The following PSMD9 variants were observed in gnomAD, a reference collection of about 807,000 sequenced individuals.
PSMD9 encodes the protein proteasome 26S subunit, non-ATPase 9.
In PSMD9, 26 loss-of-function variants were observed where a neutral mutation model predicts 25.9. The ratio of observed to expected loss-of-function variants is 1.00; its 90% CI spans 0.73 to 1.39. PSMD9 has a LOEUF of 1.39. PSMD9 is among the 40% of genes most tolerant of loss of function. PSMD9 has a pLI of 0.00. For missense variants in PSMD9, 303 were observed against 299.3 expected, an observed-to-expected ratio of 1.01 and a Z score of -0.09; for synonymous variants, 110 against 114.5, an observed-to-expected ratio of 0.96 and a Z score of 0.25.
intron 3 of PSMD9, chr12:121,902,779 G>A: frequency 4.2e-6 from 2 of 479,246 alleles, no homozygotes; most frequent in African/African-American, 2.0e-5. Context: ...GGCAGACCTG[G>A]TCATCTTTAC....
At chr12:121,913,134 T>C (rs572892591) in intron 4 of PSMD9, among the ~76,000 whole-genome samples, 1,617 of 151,918 alleles carry the variant, frequency 0.011, 14 homozygotes, top group African/African-American at 0.026. Flanking sequence ...TTAGTAGAGA[T>C]AGGGTTTCAC....
chr12:121,902,248 A>C (rs570286824), intron 3 of PSMD9: 1 of 152,024 alleles, frequency 6.6e-6, no homozygotes, highest in African/African-American at 2.4e-5. Context: ...CAGGACACAT[A>C]GTTCCTGCCA....
At chr12:121,900,151 A>T (rs1333100394) in intron 3 of PSMD9, among the ~76,000 whole-genome samples, 2 of 152,180 alleles carry the variant, frequency 1.3e-5, no homozygotes, top group Non-Finnish European at 2.9e-5. Flanking sequence ...TTAGCTGGGC[A>T]CTGAATGATG....
At chr12:121,906,880 T>A (rs1879573660) in intron 4 of PSMD9, among the ~76,000 whole-genome samples, 2 of 148,468 alleles carry the variant, frequency 1.3e-5, no homozygotes, top group Admixed American at 1.3e-4. Context: ...GCAGGAGAAT[T>A]GCTTGAACCC....
chr12:121,894,411 G>A (rs761826345), intron 1 of PSMD9: 73 of 228,614 alleles, frequency 3.2e-4, no homozygotes, highest in Non-Finnish European at 6.0e-4. Context: ...AGCCACCTGT[G>A]GGAAGGAGGG....
intron 4 of PSMD9, among the ~76,000 whole-genome samples, chr12:121,911,424 A>T (rs376844379): frequency 7.9e-4 from 121 of 152,298 alleles, no homozygotes; most frequent in African/African-American, 2.8e-3. Context: ...AGGCTGTATA[A>T]TATTCGACTG....
chr12:121,914,344 G>A (rs1279552429), intron 4 of PSMD9: 2 of 151,888 alleles, frequency 1.3e-5, no homozygotes, highest in Non-Finnish European at 1.5e-5. Flanking sequence ...GAGATCAGGA[G>A]TTCAAGACCA....
chr12:121,914,880 G>C (rs1255882073), intron 4 of PSMD9: 1 of 151,938 alleles, frequency 6.6e-6, no homozygotes, highest in Non-Finnish European at 1.5e-5. Context: ...ACATACGCAT[G>C]GTTAAAAAAT....
chr12:121,900,985 TAA>T (rs749082407), intron 3 of PSMD9, among the ~76,000 whole-genome samples: 40 of 89,466 alleles, frequency 4.5e-4, no homozygotes, highest in African/African-American at 9.0e-4. Flanking sequence ...AGACTCTGTC[TAA>T]AAAAAAAAAA....
At chr12:121,915,591 T>G (rs1408837916) in intron 4 of PSMD9, 4 of 422,100 alleles carry the variant, frequency 9.5e-6, no homozygotes, top group East Asian at 8.0e-5. Flanking sequence ...CATCTTGCAA[T>G]TGTGTACTAT....
At chr12:121,908,574 C>T (rs901628077) in intron 4 of PSMD9, among the ~76,000 whole-genome samples, 14 of 152,104 alleles carry the variant, frequency 9.2e-5, no homozygotes, top group African/African-American at 3.1e-4. Flanking sequence ...GGGGCTGTAA[C>T]GGGGAACGAA....
intron 4 of PSMD9, among the ~76,000 whole-genome samples, chr12:121,907,477 C>T (rs1879595411): frequency 6.6e-6 from 1 of 152,154 alleles, no homozygotes; most frequent in African/African-American, 2.4e-5. Flanking sequence ...CCTCTGCCTC[C>T]CGGCACCTGG....
chr12:121,902,026 A>G (rs766478717), intron 3 of PSMD9: 14 of 152,134 alleles, frequency 9.2e-5, no homozygotes, highest in Non-Finnish European at 1.5e-4. Context: ...GCCTGGATAT[A>G]TCATATTTTA....
intron 4 of PSMD9, among the ~76,000 whole-genome samples, chr12:121,912,727 G>A (rs1326089200): frequency 5.3e-5 from 8 of 151,732 alleles, no homozygotes; most frequent in Non-Finnish European, 2.9e-5. Context: ...TTAGCCAGGT[G>A]TGGAGGATTG....
At chr12:121,897,710 T>C (rs979132221) in intron 2 of PSMD9, 4 of 151,484 alleles carry the variant, frequency 2.6e-5, no homozygotes, top group Admixed American at 6.6e-5. Flanking sequence ...ATTTTTTTAG[T>C]AGAGACGGGA....
chr12:121,904,949 A>C (rs563205584), intron 4 of PSMD9, among the ~76,000 whole-genome samples: 1 of 151,572 alleles, frequency 6.6e-6, no homozygotes, highest in African/African-American at 2.4e-5. Context: ...TTATTTTTAC[A>C]ACAGTTTTAT....
chr12:121,900,761 G>A (rs1369163485), intron 3 of PSMD9, among the ~76,000 whole-genome samples: 1 of 151,700 alleles, frequency 6.6e-6, no homozygotes, highest in Non-Finnish European at 1.5e-5. Flanking sequence ...TTAGGTGGGC[G>A]ATCACCTTAT....
chr12:121,907,759 G>A (rs986408280), intron 4 of PSMD9, among the ~76,000 whole-genome samples: 2 of 152,210 alleles, frequency 1.3e-5, no homozygotes, highest in Non-Finnish European at 2.9e-5. Context: ...ATAAAAATAG[G>A]CTGGCTGCAG....
At position 121,903,059 on chromosome 12, in the gene PSMD9, C is replaced by T; in HGVS notation, c.507C>T (p.Asn169=). ...IVEFGSVNTQ[N]FQSLHNIGSV... ...AGTTCGGCTCTGTGAACACCCAGAA[C>T]TTCCAGTCACTGCATAACATTGGCA... Residue 169 remains asparagine, a synonymous_variant, in exon 4 of 6, where the codon AAC becomes AAT. Transcript: ENST00000541212. 6.2e-7 allele frequency: 1 copy of T among 1,614,162 alleles called. No individual in the cohort carries two copies. Among genetic ancestry groups the T allele is most frequent in the Non-Finnish European group, 8.5e-7 (1 of 1,180,024 alleles).
Sources: gnomAD v4.1 joint callset for allele counts (sites outside exome capture counted in the v4.1 genomes callset) on GRCh38, gnomAD v4.1.1 for gene constraint, MANE v1.5 for transcripts, NCBI Gene and HGNC (gene_info 2026-07-23, HGNC 2026-07-21) for gene names.